Variants in CBR4 observed in about 807,000 individuals in gnomAD.
CBR4 encodes carbonyl reductase 4, also known as 3-oxoacyl-[acyl-carrier-protein] reductase.
In CBR4, 22 loss-of-function variants were observed where a neutral mutation model predicts 21.0. The ratio of observed to expected loss-of-function variants is 1.05; its 90% CI spans 0.75 to 1.50. The LOEUF is 1.50. Among genes scored for constraint, CBR4 ranks in the 40% most tolerant of loss-of-function variants. The pLI is 0.00. For synonymous variants in CBR4, 100 were observed against 104.4 expected, an observed-to-expected ratio of 0.96 and a Z score of 0.26; for missense variants, 302 against 286.3, an observed-to-expected ratio of 1.05 and a Z score of -0.40.
chr4:168,941,493 A>G (rs913760910), intron 2 of CBR4, among the ~76,000 whole-genome samples: 1 of 152,170 alleles, frequency 6.6e-6, no homozygotes, highest in Non-Finnish European at 1.5e-5. Flanking sequence ...ATTTGGTAAA[A>G]TTCAACATCC....
chr4:168,963,782 A>G (rs1420946109), intron 2 of CBR4, among the ~76,000 whole-genome samples: 8 of 152,118 alleles, frequency 5.3e-5, no homozygotes, highest in Admixed American at 5.2e-4. Flanking sequence ...TAAACTATTA[A>G]TAGCTACTGT....
At chr4:168,899,872 C>T (rs915403079) in intron 2 of CBR4, among the ~76,000 whole-genome samples, 13 of 150,852 alleles carry the variant, frequency 8.6e-5, no homozygotes, top group African/African-American at 1.5e-4. Context: ...ACCAAGATCG[C>T]GCCATTGCAC....
chr4:168,967,744 G>A (rs770055033), intron 2 of CBR4, among the ~76,000 whole-genome samples: 2 of 152,142 alleles, frequency 1.3e-5, no homozygotes, highest in African/African-American at 2.4e-5. Context: ...ACTAAAAAGT[G>A]TATCTCAAAC....
intron 4 of CBR4, among the ~76,000 whole-genome samples, chr4:168,998,152 C>G (rs1284561547): frequency 6.6e-6 from 1 of 152,128 alleles, no homozygotes; most frequent in Non-Finnish European, 1.5e-5. Context: ...CTTAAGGTAT[C>G]CTGTAGAAAT....
chr4:168,927,091 A>C (rs961071691), intron 2 of CBR4: 2 of 222,794 alleles, frequency 9.0e-6, no homozygotes, highest in African/African-American at 4.5e-5. Context: ...AATATAAATA[A>C]TATAAAGTGC....
chr4:168,906,679 C>T (rs1757870973), intron 2 of CBR4, among the ~76,000 whole-genome samples: 1 of 152,168 alleles, frequency 6.6e-6, no homozygotes, highest in Non-Finnish European at 1.5e-5. Flanking sequence ...GGCTGGAGTA[C>T]AGTGGCATAA....
At chr4:168,897,811 T>C (rs1413698088) in intron 2 of CBR4, among the ~76,000 whole-genome samples, 1 of 151,752 alleles carries the variant, frequency 6.6e-6, no homozygotes, top group Non-Finnish European at 1.5e-5. Flanking sequence ...CACAGGAATG[T>C]TGATGGGTTG....
intron 2 of CBR4, among the ~76,000 whole-genome samples, chr4:168,947,095 G>A (rs1763414147): frequency 6.6e-6 from 1 of 151,738 alleles, no homozygotes; most frequent in African/African-American, 2.4e-5. Flanking sequence ...ATGCCTCATA[G>A]ACATAGAGTT....
chr4:168,965,809 C>G (rs970119721), intron 2 of CBR4, among the ~76,000 whole-genome samples: 2 of 152,136 alleles, frequency 1.3e-5, no homozygotes, highest in African/African-American at 4.8e-5. Context: ...TAGAAGAAAA[C>G]CTAGGCAATA....
intron 2 of CBR4, among the ~76,000 whole-genome samples, chr4:168,925,900 G>A (rs558713624): frequency 9.9e-5 from 15 of 152,002 alleles, no homozygotes; most frequent in Non-Finnish European, 2.1e-4. Context: ...AAAAGGAGAG[G>A]GGGGATGAGA....
intron 2 of CBR4, among the ~76,000 whole-genome samples, chr4:168,958,631 G>A (rs1763756119): frequency 6.6e-6 from 1 of 152,198 alleles, no homozygotes; most frequent in Non-Finnish European, 1.5e-5. Context: ...AACTTTTTAA[G>A]AGAATGCCAG....
intron 1 of CBR4, 43 bp downstream of exon 1, chr4:169,009,905 G>A (rs1731265530): frequency 4.5e-6 from 7 of 1,572,936 alleles, no homozygotes; most frequent in Non-Finnish European, 5.2e-6. Context: ...TTAGGCGCCT[G>A]GACCGCGGCC....
At chr4:168,919,780 A>G (rs758838342) in intron 2 of CBR4, among the ~76,000 whole-genome samples, 5 of 152,026 alleles carry the variant, frequency 3.3e-5, no homozygotes, top group Non-Finnish European at 7.3e-5. Flanking sequence ...AAGCATCACT[A>G]TTTTCATGTG....
At chr4:168,957,192 T>C (rs1008006600) in intron 2 of CBR4, among the ~76,000 whole-genome samples, 3 of 152,194 alleles carry the variant, frequency 2.0e-5, no homozygotes, top group Non-Finnish European at 4.4e-5. Context: ...GAAGCCTTTA[T>C]CACTCAAAAG....
chr4:168,999,664 A>G (rs554774101), intron 4 of CBR4, among the ~76,000 whole-genome samples: 2 of 151,278 alleles, frequency 1.3e-5, no homozygotes, highest in East Asian at 1.9e-4. Flanking sequence ...ACTGCACTGG[A>G]AAGTAAAATC....
rs568502080 is a variant in CBR4, at chr4:169,009,954, G to A, written c.136C>T (p.Leu46Phe). Residue 46 changes from leucine (L) to phenylalanine (F), a missense_variant, in exon 1 of 5, where the codon CTC becomes TTC. Coordinates refer to ENST00000306193, the MANE Select transcript of CBR4 (RefSeq NM_032783.5). ...ACTCCAGTTTGGTACCTACCGCCGA[G>A]GTCACCGGCGGCGGCTTTGGCCCCT... is the stretch of plus-strand genomic sequence containing the variant. ...LEGAKAAAGDLGGDHLAFSCD... is the reference protein window; with the variant it reads ...LEGAKAAAGDFGGDHLAFSCD... The A allele has an allele frequency of 1.9e-6, 3 of 1,611,404 alleles. No individual in the cohort carries two copies. The highest frequency in any genetic ancestry group is 3.4e-5 in the Admixed American group (2 of 59,652).
intron 2 of CBR4, among the ~76,000 whole-genome samples, chr4:168,943,908 T>TCAAAA (rs1311224855): frequency 7.4e-5 from 11 of 149,036 alleles, no homozygotes; most frequent in African/African-American, 2.2e-4. Flanking sequence ...AAACTCTGTC[T>TCAAAA]CAAAACAAAA....
In CBR4 at chr4:168,925,055, G is replaced by A. The variant is rs754236496; in HGVS notation, n.170-30290C>T. The A allele has an allele frequency of 2.5e-6, 4 of 1,614,054 alleles. No individual in the cohort carries two copies. The South Asian group carries it at 3.3e-5, about 13-fold the overall frequency. On this transcript the variant is annotated intron_variant and non_coding_transcript_variant, in intron 2 of 3. Transcript: ENST00000509108. ...AAGAATGAAGCAGGGATTGTGTCCT[G>A]TACTGCCAGGCTGGACGTTTACAGT...
chr4:168,895,523 TAGTC>T (rs1754940975), intron 2 of CBR4, among the ~76,000 whole-genome samples: 1 of 152,268 alleles, frequency 6.6e-6, no homozygotes, highest in African/African-American at 2.4e-5. Flanking sequence ...TTATAGACTG[TAGTC>T]TTAAAGTAAG....
Sources: gnomAD v4.1 joint callset for allele counts (sites outside exome capture counted in the v4.1 genomes callset) on GRCh38, gnomAD v4.1.1 for gene constraint, MANE v1.5 for transcripts, NCBI Gene and HGNC (gene_info 2026-07-23, HGNC 2026-07-21) for gene names.